Variants in CTNNA2 observed in about 807,000 individuals in gnomAD.
CTNNA2 encodes catenin alpha 2.
CTNNA2 carries 42 observed loss-of-function variants against 101.0 expected under a neutral mutation model. That is an observed-to-expected ratio of 0.42 (90% confidence interval 0.32 to 0.54). CTNNA2 has a LOEUF of 0.54. Ranked by LOEUF, CTNNA2 falls within the 20% of genes least tolerant of loss-of-function variation. CTNNA2 has a pLI of 0.14. For synonymous variants in CTNNA2, 450 were observed against 456.4 expected, an observed-to-expected ratio of 0.99 and a Z score of 0.18; for missense variants, 871 against 1,223.1, an observed-to-expected ratio of 0.71 and a Z score of 4.29.
At chr2:79,253,463 C>A (rs558030888) in intron 2 of CTNNA2, among the ~76,000 whole-genome samples, 3 of 152,302 alleles carry the variant, frequency 2.0e-5, no homozygotes, top group African/African-American at 7.2e-5. Context: ...ATTTGCAAAT[C>A]AGCCTGCATC....
chr2:79,511,629 G>A (rs1187700384), upstream of CTNNA2, among the ~76,000 whole-genome samples: 5 of 151,898 alleles, frequency 3.3e-5, no homozygotes, highest in African/African-American at 9.7e-5. Context: ...AAAGTGGTGG[G>A]GACAAGAAAA....
intron 9 of CTNNA2, among the ~76,000 whole-genome samples, chr2:80,447,545 A>T (rs78868394): frequency 0.042 from 6,431 of 152,266 alleles, 173 homozygotes; most frequent in Non-Finnish European, 0.066. Flanking sequence ...GTATGCACAG[A>T]TGCTCTGATA....
intron 8 of CTNNA2, among the ~76,000 whole-genome samples, chr2:80,404,471 A>G (rs777864520): frequency 1.3e-5 from 2 of 152,218 alleles, no homozygotes; most frequent in Non-Finnish European, 2.9e-5. Flanking sequence ...GAATAAGGTT[A>G]TAATCTCTTT....
At position 80,345,979 on chromosome 2, in the gene CTNNA2, A is replaced by T. The variant is rs145204735; in HGVS notation, c.1057-47232A>T. On this transcript the variant is annotated intron_variant, in intron 7 of 18. Transcript: ENST00000402739. ...CTGCAGATTGAGGATAAAGGGCATA[A>T]GGAGAAAATAATTTTCCATTTTCAC... Among the ~76,000 whole-genome samples, 1,275 of 152,294 alleles carry T rather than the reference A, an allele frequency of 8.4e-3. 16 individuals are homozygous for T. Among genetic ancestry groups the T allele is most frequent in the African/African-American group, 0.028 (1,177 of 41,544 alleles).
At chr2:80,645,080 T>A (rs1472423310) in intron 18 of CTNNA2, among the ~76,000 whole-genome samples, 1 of 152,184 alleles carries the variant, frequency 6.6e-6, no homozygotes, top group Non-Finnish European at 1.5e-5. Context: ...AAGAGCAATA[T>A]CATCTTGTTC....
intron 9 of CTNNA2, among the ~76,000 whole-genome samples, chr2:80,501,168 C>T (rs1436735873): frequency 1.3e-5 from 2 of 152,188 alleles, no homozygotes; most frequent in Non-Finnish European, 2.9e-5. Flanking sequence ...ATACAAGGAT[C>T]AATTACATCT....
At position 79,668,878 on chromosome 2, in the gene CTNNA2, C is replaced by A. The variant is rs76090630; in HGVS notation, c.102+17220C>A. Among the ~76,000 whole-genome samples, 533 of 152,250 alleles carry A rather than the reference C, an allele frequency of 3.5e-3. 12 individuals carry two copies. The East Asian group carries it at 0.048, about 14-fold the overall frequency. Reference sequence around the variant, plus strand: ...TGTGATCATTTAAACCAAAAGTTTCCAATCAAACAGAGGAACACATTCCTT... The same window carrying A: ...TGTGATCATTTAAACCAAAAGTTTCAAATCAAACAGAGGAACACATTCCTT... On this transcript the variant is annotated intron_variant, in intron 2 of 18. Transcript: ENST00000402739.
intron 16 of CTNNA2, among the ~76,000 whole-genome samples, chr2:80,604,408 AAAG>A (rs1310389450): frequency 6.6e-6 from 1 of 151,958 alleles, no homozygotes; most frequent in African/African-American, 2.4e-5. Context: ...ATTCCTTGAG[AAAG>A]AAGAACATAC....
At chr2:80,298,843 C>T (rs1393187714) in intron 7 of CTNNA2, 1 of 152,104 alleles carries the variant, frequency 6.6e-6, no homozygotes, top group African/African-American at 2.4e-5. Flanking sequence ...TAGGTGGTCT[C>T]AACTATTAAT....
chr2:80,043,041 T>C (rs902164836), intron 7 of CTNNA2, among the ~76,000 whole-genome samples: 12 of 5,772 alleles, frequency 2.1e-3, no homozygotes, highest in Admixed American at 7.5e-3. Context: ...CTTTCTTTCC[T>C]TCTTTCTTTC....
chr2:79,251,660 C>T (rs1572999509), intron 2 of CTNNA2, among the ~76,000 whole-genome samples: 1 of 151,998 alleles, frequency 6.6e-6, no homozygotes, highest in African/African-American at 2.4e-5. Flanking sequence ...GGTAAAGAAC[C>T]GATGAAGACC....
chr2:80,566,468 A>G (rs1694072700), intron 12 of CTNNA2, among the ~76,000 whole-genome samples: 1 of 152,208 alleles, frequency 6.6e-6, no homozygotes, highest in African/African-American at 2.4e-5. Context: ...AGGAGAGACC[A>G]TAAGGGTAAT....
At chr2:79,596,717 T>C (rs564408846) in intron 1 of CTNNA2, among the ~76,000 whole-genome samples, 1 of 152,310 alleles carries the variant, frequency 6.6e-6, no homozygotes, top group Admixed American at 6.5e-5. Context: ...CACACATTTT[T>C]CCATTTCTCT....
chr2:79,729,130 G>A (rs1020170182), intron 2 of CTNNA2, among the ~76,000 whole-genome samples: 10 of 152,244 alleles, frequency 6.6e-5, no homozygotes, highest in Admixed American at 3.9e-4. Flanking sequence ...TGACAAAAAT[G>A]AAGCCCAAAG....
chr2:79,305,373 C>CATATATATATATATATATATATATATAT lies in CTNNA2; in HGVS notation c.-405-7318_-405-7317insATATATATATATATATATATATATATAT, dbSNP rs56285145. Reference sequence around the variant, plus strand: ...ATATACATATATACATATATATACACATATATATATATATATATTTCTGCA... The same window carrying CATATATATATATATATATATATATATAT: ...ATATACATATATACATATATATACACATATATATATATATATATATATATATATATATATATATATATATATTTCTGCA... On this transcript the variant is annotated intron_variant, in intron 2 of 21. Coordinates refer to the CTNNA2 transcript ENST00000466387. Among the ~76,000 whole-genome samples the CATATATATATATATATATATATATATAT allele has an allele frequency of 5.2e-4, 72 of 138,210 alleles. 1 individual carries two copies. Among genetic ancestry groups the CATATATATATATATATATATATATATAT allele is most frequent in the African/African-American group, 1.7e-3 (66 of 38,442 alleles). 90.7% of individuals were successfully genotyped at this position (138,210 alleles called of 152,430 possible).
chr2:79,345,989 C>T (rs1292059588), intron 3 of CTNNA2, among the ~76,000 whole-genome samples: 7 of 151,822 alleles, frequency 4.6e-5, no homozygotes, highest in East Asian at 3.9e-4. Flanking sequence ...CGTGAGCCAC[C>T]GTGTCCGGCC....
chr2:80,575,245 T>G (rs922323615), intron 13 of CTNNA2: 1 of 152,166 alleles, frequency 6.6e-6, no homozygotes, highest in African/African-American at 2.4e-5. Context: ...TCCAGTAGAA[T>G]GGTATCCACA....
chr2:79,752,448 A>C (rs1003765044), intron 3 of CTNNA2, among the ~76,000 whole-genome samples: 1 of 152,226 alleles, frequency 6.6e-6, no homozygotes, highest in Non-Finnish European at 1.5e-5. Flanking sequence ...AATTATATTC[A>C]AAAGTGCATT....
At chr2:80,471,196 G>A (rs1685276744) in intron 9 of CTNNA2, among the ~76,000 whole-genome samples, 2 of 152,202 alleles carry the variant, frequency 1.3e-5, no homozygotes, top group African/African-American at 4.8e-5. Flanking sequence ...TGGAAGAACG[G>A]AAGCAGGAAG....
Sources: gnomAD v4.1 joint callset for allele counts (sites outside exome capture counted in the v4.1 genomes callset) on GRCh38, gnomAD v4.1.1 for gene constraint, MANE v1.5 for transcripts, NCBI Gene and HGNC (gene_info 2026-07-23, HGNC 2026-07-21) for gene names.